Variants in MAST4 observed in about 807,000 individuals in gnomAD.
The protein encoded by MAST4 is microtubule associated serine/threonine kinase family member 4, also known as microtubule-associated serine/threonine-protein kinase 4.
MAST4 carries 89 observed loss-of-function variants against 162.7 expected under a neutral mutation model. The observed-to-expected ratio is 0.55, with a 90% CI of 0.46 to 0.65. MAST4 has a LOEUF of 0.65. Among genes scored for constraint, MAST4 ranks in the 30% least tolerant of loss-of-function variants. The probability of loss-of-function intolerance (pLI) is 0.00; values close to 1 mark genes in which losing one functional copy is unlikely to be tolerated. For synonymous variants in MAST4, 1,479 were observed against 1,361.1 expected, an observed-to-expected ratio of 1.09 and a Z score of -1.91; for missense variants, 3,153 against 3,374.0, an observed-to-expected ratio of 0.93 and a Z score of 1.62.
At position 67,163,916 on chromosome 5, in the gene MAST4, G is replaced by A; in HGVS notation, c.4737G>A (p.Lys1579=). The A allele has an allele frequency of 6.2e-7, 1 of 1,614,034 alleles. No homozygotes were observed. ...AGAGAGAGAAGAAAGTCTATCCGAAGGCTGTGGAAAGGTCAAGTACTTTTG... is the reference window on the plus strand; with the variant it reads ...AGAGAGAGAAGAAAGTCTATCCGAAAGCTGTGGAAAGGTCAAGTACTTTTG... ...LEEREKKVYP[K]AVERSSTFEN... The change falls in exon 29 of 29, where the codon AAG becomes AAA. Residue 1579 remains lysine (K), a synonymous_variant. Transcript: ENST00000403625. The surrounding 1 kb of genome is among the most constrained non-coding windows in gnomAD (Gnocchi z 7.0).
chr5:67,145,828 T>C (rs1430925349), intron 23 of MAST4, among the ~76,000 whole-genome samples: 1 of 152,216 alleles, frequency 6.6e-6, no homozygotes, highest in Non-Finnish European at 1.5e-5. Flanking sequence ...AGGCACAGTA[T>C]AAAGCCAGGT....
chr5:66,606,767 T>C (rs1267167015), intron 1 of MAST4, among the ~76,000 whole-genome samples: 1 of 152,122 alleles, frequency 6.6e-6, no homozygotes, highest in Non-Finnish European at 1.5e-5. Flanking sequence ...GTGCATGGCA[T>C]ATAGTGGGTA....
At chr5:66,881,417 G>A (rs1224389814) in intron 3 of MAST4, among the ~76,000 whole-genome samples, 3 of 152,196 alleles carry the variant, frequency 2.0e-5, no homozygotes, top group African/African-American at 7.2e-5. Context: ...AAACATCTGA[G>A]AGGAAAATTA....
chr5:66,602,324 G>C (rs1429843497), intron 1 of MAST4, among the ~76,000 whole-genome samples: 1 of 152,140 alleles, frequency 6.6e-6, no homozygotes, highest in Non-Finnish European at 1.5e-5. Flanking sequence ...CGCATTACCA[G>C]TCTTTCTTGG....
At chr5:66,910,883 G>A (rs1339052529) in intron 4 of MAST4, among the ~76,000 whole-genome samples, 1 of 151,900 alleles carries the variant, frequency 6.6e-6, no homozygotes, top group Non-Finnish European at 1.5e-5. Context: ...AAGTAGCTGG[G>A]ACTACAGGCG....
At chr5:66,971,867 A>G (rs1211376599) in intron 4 of MAST4, among the ~76,000 whole-genome samples, 1 of 152,172 alleles carries the variant, frequency 6.6e-6, no homozygotes. Flanking sequence ...TCCAACATTT[A>G]AAATATGGAT....
Position 67,114,162 on chromosome 5 carries a change from A to G in MAST4, c.1534A>G (p.Thr512Ala). The change falls in exon 12 of 29, where the codon ACC becomes GCC. Residue 512 changes from threonine (T) to alanine (A), a missense_variant. Thr to Ala is a moderately conservative substitution (Grantham distance 58, BLOSUM62 0). This residue lies in a region of MAST4 where 360 missense variants were observed against 450.0 expected (regional missense o/e 0.80). Transcript: ENST00000403625. Reference sequence around the variant, plus strand: ...TGCCAAAGAAGGACAGGGTATTAAAACCGACATTCCCAGGTACATCATTAG... The same window carrying G: ...TGCCAAAGAAGGACAGGGTATTAAAGCCGACATTCCCAGGTACATCATTAG... ...GHAKEGQGIK[T>A]DIPRYIISQL... 6.2e-7 allele frequency: 1 copy of G among 1,612,444 alleles called. No homozygotes were observed. Among genetic ancestry groups the G allele is most frequent in the Non-Finnish European group, 8.5e-7 (1 of 1,179,420 alleles).
rs377526628 is a variant in MAST4 at position 67,166,995 on chromosome 5, C to T, written c.7816C>T (p.Arg2606Trp). ...TTCTAATGAGAAGGACTTTGTGGTA[C>T]GGCAGAGGCGGGGGAAAGAGAGTTT... ...SLSNEKDFVVRQRRGKESLRS... is the reference protein window; with the variant it reads ...SLSNEKDFVVWQRRGKESLRS... The change falls in exon 29 of 29, where the codon CGG (arginine) becomes TGG (tryptophan). Residue 2606 changes from arginine (R) to tryptophan (W), a missense_variant. Coordinates refer to ENST00000403625, the MANE Select transcript of MAST4 (RefSeq NM_001164664.2). 2.8e-4 allele frequency: 443 copies of T among 1,608,828 alleles called. No homozygotes were observed. Among genetic ancestry groups the T allele is most frequent in the Non-Finnish European group, 3.7e-4 (431 of 1,178,296 alleles).
intron 1 of MAST4, among the ~76,000 whole-genome samples, chr5:66,704,735 C>T (rs1265507078): frequency 6.6e-6 from 1 of 152,040 alleles, no homozygotes; most frequent in Non-Finnish European, 1.5e-5. Flanking sequence ...CTCCTGACCT[C>T]GTGATCCGCC....
intron 1 of MAST4, among the ~76,000 whole-genome samples, chr5:66,713,118 CTTCT>C (rs1160293091): frequency 1.3e-5 from 2 of 152,092 alleles, no homozygotes; most frequent in South Asian, 2.1e-4. Context: ...CTTCTTATTT[CTTCT>C]TTCTTTTGGT....
intron 5 of MAST4, among the ~76,000 whole-genome samples, chr5:67,058,717 A>G (rs1759175199): frequency 6.6e-6 from 1 of 152,228 alleles, no homozygotes; most frequent in Non-Finnish European, 1.5e-5. Context: ...ACACAGATGA[A>G]AGCACACTTG....
intron 4 of MAST4, among the ~76,000 whole-genome samples, chr5:67,020,065 A>G (rs191252255): frequency 6.6e-6 from 1 of 152,178 alleles, no homozygotes; most frequent in Admixed American, 6.5e-5. Flanking sequence ...GTATGCTCTT[A>G]TTTATGCCTG....
chr5:66,599,918 G>GGGGT (rs1742443600), intron 1 of MAST4, among the ~76,000 whole-genome samples: 1 of 149,974 alleles, frequency 6.7e-6, no homozygotes. Flanking sequence ...TTTCTAAAGG[G>GGGGT]GTGTGTGTGT....
intron 4 of MAST4, among the ~76,000 whole-genome samples, chr5:67,031,611 A>G (rs139949707): frequency 5.5e-4 from 84 of 152,318 alleles, no homozygotes; most frequent in African/African-American, 6.0e-4. Flanking sequence ...GTACAGACTT[A>G]GTGAAGATTT....
At chr5:67,086,348 T>G (rs1288477536) in intron 5 of MAST4, among the ~76,000 whole-genome samples, 2 of 152,238 alleles carry the variant, frequency 1.3e-5, no homozygotes, top group African/African-American at 2.4e-5. Context: ...GACACAGGAC[T>G]TCTCCAATCT....
intron 1 of MAST4, among the ~76,000 whole-genome samples, chr5:66,688,988 C>T (rs1748867552): frequency 6.6e-6 from 1 of 152,110 alleles, no homozygotes; most frequent in Non-Finnish European, 1.5e-5. Flanking sequence ...CAGAATAGAA[C>T]CTCAAAAGGG....
chr5:66,952,450 CCA>C (rs932731560), intron 4 of MAST4, among the ~76,000 whole-genome samples: 7 of 152,038 alleles, frequency 4.6e-5, no homozygotes, highest in African/African-American at 1.7e-4. Context: ...AAAATGAACT[CCA>C]GTTATTAAAA....
At chr5:66,650,952 T>C (rs1289268996) in intron 1 of MAST4, among the ~76,000 whole-genome samples, 3 of 152,198 alleles carry the variant, frequency 2.0e-5, no homozygotes, top group African/African-American at 7.2e-5. Flanking sequence ...GCTCTGACTC[T>C]AGGAGGAGGA....
chr5:66,620,557 C>T (rs1744013418), intron 1 of MAST4, among the ~76,000 whole-genome samples: 1 of 151,964 alleles, frequency 6.6e-6, no homozygotes, highest in Non-Finnish European at 1.5e-5. Context: ...CAATATGTGA[C>T]ATTTCTGTAG....
Sources: allele counts gnomAD v4.1 joint callset (sites outside exome capture counted in the v4.1 genomes callset), GRCh38; gene constraint gnomAD v4.1.1; regional missense constraint gnomAD v4.1.1; non-coding constraint Gnocchi (gnomAD v3.1); transcripts MANE v1.5; gene names NCBI Gene and HGNC (gene_info 2026-07-23, HGNC 2026-07-21).